Variants in BCAS3 observed in about 807,000 individuals in gnomAD.
BCAS3 encodes the protein BCAS3 microtubule associated cell migration factor.
BCAS3 carries 53 observed loss-of-function variants against 116.1 expected under a neutral mutation model. The observed-to-expected ratio is 0.46, with a 90% CI of 0.37 to 0.57. The LOEUF (loss-of-function observed/expected upper bound fraction) is 0.57, where lower values mean the gene tolerates loss of function less well. Ranked by LOEUF, BCAS3 falls within the 20% of genes least tolerant of loss-of-function variation. The pLI is 0.00. For synonymous variants in BCAS3, 391 were observed against 408.2 expected, an observed-to-expected ratio of 0.96 and a Z score of 0.51; for missense variants, 917 against 1,165.4, an observed-to-expected ratio of 0.79 and a Z score of 3.10.
Position 60,960,377 on chromosome 17 carries a change from AC to A in BCAS3, c.1221+13027del, listed in dbSNP as rs1313561498. On this transcript the variant is annotated intron_variant, in intron 14 of 23. Transcript: ENST00000407086. This position sits in a 1 kb window ranked among gnomAD's most constrained non-coding sequence, Gnocchi z 4.1. ...GGGCAAAATTCCTGTGCTTCTGTGGACCTGTGAAACTACAATAAAAGTTACC... is the reference window on the plus strand; with the variant it reads ...GGGCAAAATTCCTGTGCTTCTGTGGACTGTGAAACTACAATAAAAGTTACC... Among the ~76,000 whole-genome samples, 2 of 152,178 alleles carry A rather than the reference AC, an allele frequency of 1.3e-5. No homozygotes were observed. Among genetic ancestry groups the A allele is most frequent in the Non-Finnish European group, 2.9e-5 (2 of 68,038 alleles).
intron 22 of BCAS3, among the ~76,000 whole-genome samples, chr17:61,197,521 G>A (rs901638280): frequency 2.6e-5 from 4 of 152,156 alleles, no homozygotes; most frequent in African/African-American, 9.7e-5. Flanking sequence ...GTAATGATCT[G>A]CCTGAAACAA....
chr17:61,295,423 G>C (rs986712795), intron 22 of BCAS3, among the ~76,000 whole-genome samples: 1 of 152,212 alleles, frequency 6.6e-6, no homozygotes, highest in Non-Finnish European at 1.5e-5. Context: ...TAAATGCCCA[G>C]CGTAATCCCC....
chr17:60,923,857 T>G (rs541960622), intron 12 of BCAS3, among the ~76,000 whole-genome samples: 2 of 152,296 alleles, frequency 1.3e-5, no homozygotes, highest in South Asian at 4.1e-4. Flanking sequence ...TCAAAGAAGT[T>G]CTATTTCTCT....
In BCAS3 at chr17:61,132,289, A is replaced by G. The variant is rs989479296; in HGVS notation, c.2425+47725A>G. ...GGTAATTTTAAACACAACCAGGTCA[A>G]AAGTTTCAAATCTAGTGTTAAGTCC... On this transcript the variant is annotated intron_variant, in intron 22 of 23. Transcript: ENST00000407086. This position sits in a 1 kb window ranked among gnomAD's most constrained non-coding sequence, Gnocchi z 5.1. Among the ~76,000 whole-genome samples the G allele has an allele frequency of 6.6e-6, 1 of 152,232 alleles. No individual in the cohort carries two copies. Among genetic ancestry groups the G allele is most frequent in the South Asian group, 2.1e-4 (1 of 4,828 alleles).
chr17:60,776,718 C>CAA (rs749033165), intron 6 of BCAS3, among the ~76,000 whole-genome samples: 37 of 46,458 alleles, frequency 8.0e-4, no homozygotes, highest in East Asian at 1.4e-3. Flanking sequence ...GACTCCGTCT[C>CAA]AAAAAAAAAA....
chr17:60,995,599 G>T lies in BCAS3; in HGVS notation c.1486+5364G>T, dbSNP rs2063789985. On this transcript the variant is annotated intron_variant, in intron 15 of 23. Transcript: ENST00000407086. This position sits in a 1 kb window ranked among gnomAD's most constrained non-coding sequence, Gnocchi z 4.7. ...AAGCGTGAACCACCGCGCCCGACCAGTTTCTAAGGCTTTAAACCAGAGTTT... is the reference window on the plus strand; with the variant it reads ...AAGCGTGAACCACCGCGCCCGACCATTTTCTAAGGCTTTAAACCAGAGTTT... 6.6e-6 allele frequency among the ~76,000 whole-genome samples: 1 copy of T among 152,168 alleles called. No individual in the cohort carries two copies. Among genetic ancestry groups the T allele is most frequent in the South Asian group, 2.1e-4 (1 of 4,828 alleles).
At chr17:60,891,173 G>A (rs1567804422) in intron 10 of BCAS3, among the ~76,000 whole-genome samples, 1 of 152,178 alleles carries the variant, frequency 6.6e-6, no homozygotes, top group Admixed American at 6.5e-5. Context: ...GTTTCTATCT[G>A]TAAAGCATTT....
At position 61,075,123 on chromosome 17, in the gene BCAS3, A is replaced by C. The variant is rs2071840749; in HGVS notation, c.2130+103A>C. The C allele has an allele frequency of 5.9e-6, 5 of 852,234 alleles. No individual in the cohort carries two copies. In the East Asian group the frequency reaches 1.3e-4, roughly 22 times the overall value. The allele number at this position is 852,234 out of a possible 1,614,324, so 52.8% of individuals were successfully genotyped here. A position where few individuals can be genotyped will look rare whatever the true frequency, so the allele number is the denominator to read the frequency against. On this transcript the variant is annotated intron_variant, in intron 20 of 23. Transcript: ENST00000407086. Reference sequence around the variant, plus strand: ...AAAAGGGGAGAATTGGTAACTCTTTATTGGATTATCAAGAATTAGTTGTCT... The same window carrying C: ...AAAAGGGGAGAATTGGTAACTCTTTCTTGGATTATCAAGAATTAGTTGTCT...
chr17:61,303,491 G>A (rs1004118437), intron 22 of BCAS3, among the ~76,000 whole-genome samples: 2 of 152,184 alleles, frequency 1.3e-5, no homozygotes, highest in African/African-American at 2.4e-5. Context: ...CAGCTTCCGG[G>A]ATGGTGATTT....
chr17:60,753,524 C>T (rs1262584954), intron 6 of BCAS3, among the ~76,000 whole-genome samples: 1 of 151,866 alleles, frequency 6.6e-6, no homozygotes, highest in Non-Finnish European at 1.5e-5. Flanking sequence ...ATTCTCCTGC[C>T]TCAACCTCCC....
chr17:61,174,343 C>T lies in BCAS3; in HGVS notation c.2425+89779C>T, dbSNP rs1281239530. ...TCCTCACCCCAGCTGCTGATAACCA[C>T]CGTTCTACTATTCTCTGCTTCTGTG... On this transcript the variant is annotated intron_variant, in intron 22 of 23. Transcript: ENST00000407086. Among the ~76,000 whole-genome samples the T allele has an allele frequency of 1.3e-5, 2 of 152,158 alleles. 1 individual carries two copies. Among genetic ancestry groups the T allele is most frequent in the South Asian group, 4.1e-4 (2 of 4,824 alleles).
intron 8 of BCAS3, among the ~76,000 whole-genome samples, chr17:60,873,515 A>G (rs1477798620): frequency 3.3e-5 from 5 of 152,184 alleles, no homozygotes; most frequent in African/African-American, 7.2e-5. Context: ...GTAAATATTA[A>G]GCTTGGCTAT....
At chr17:61,069,116 A>G (rs2071041137) in intron 19 of BCAS3, among the ~76,000 whole-genome samples, 1 of 152,192 alleles carries the variant, frequency 6.6e-6, no homozygotes, top group Non-Finnish European at 1.5e-5. Flanking sequence ...AAACCAAAGA[A>G]GTGACTTGGG....
Position 61,156,988 on chromosome 17 carries a change from C to T in BCAS3, c.2425+72424C>T, listed in dbSNP as rs1750895124. Among the ~76,000 whole-genome samples, 1 of 152,182 alleles carries T rather than the reference C, an allele frequency of 6.6e-6. No individual in the cohort carries two copies. Among genetic ancestry groups the T allele is most frequent in the South Asian group, 2.1e-4 (1 of 4,824 alleles). The stretch of plus-strand genomic sequence containing the variant: ...CTCCTATAAATTTAGTATTAAATTT[C>T]AAAATACGTATTTGTTTTAAAAAGC... On this transcript the variant is annotated intron_variant, in intron 22 of 23. Transcript: ENST00000407086. The surrounding 1 kb of genome is among the most constrained non-coding windows in gnomAD (Gnocchi z 4.7).
At chr17:61,170,293 T>A (rs571540521) in intron 22 of BCAS3, among the ~76,000 whole-genome samples, 1 of 150,636 alleles carries the variant, frequency 6.6e-6, no homozygotes, top group Non-Finnish European at 1.5e-5. Flanking sequence ...TTTTTGTTTT[T>A]GTTTTTTGGT....
At chr17:61,067,076 C>T (rs1331565875) in intron 19 of BCAS3, among the ~76,000 whole-genome samples, 1 of 150,998 alleles carries the variant, frequency 6.6e-6, no homozygotes, top group Non-Finnish European at 1.5e-5. Context: ...ATTCTTTACA[C>T]ATTGATTCTT....
chr17:61,244,896 G>A lies in BCAS3; in HGVS notation c.2426-123431G>A, dbSNP rs1479881599. 1.3e-5 allele frequency among the ~76,000 whole-genome samples: 2 copies of A among 152,064 alleles called. No individual in the cohort carries two copies. The highest frequency in any genetic ancestry group is 2.9e-5 in the Non-Finnish European group (2 of 67,996). ...TAAATAAATAAAAAAGGATATATAGGGAAGGAGCAATTTTTTAAAGATTTA... is the reference window on the plus strand; with the variant it reads ...TAAATAAATAAAAAAGGATATATAGAGAAGGAGCAATTTTTTAAAGATTTA... On this transcript the variant is annotated intron_variant, in intron 22 of 23. Coordinates refer to ENST00000407086, the MANE Select transcript of BCAS3 (RefSeq NM_017679.5). This position sits in a 1 kb window ranked among gnomAD's most constrained non-coding sequence, Gnocchi z 4.9.
At chr17:60,980,206 C>T (rs904002040) in intron 14 of BCAS3, among the ~76,000 whole-genome samples, 1 of 152,174 alleles carries the variant, frequency 6.6e-6, no homozygotes, top group Non-Finnish European at 1.5e-5. Flanking sequence ...GATTAAACTT[C>T]TGGGCGGAAG....
At chr17:60,996,735 A>C (rs1175425572) in intron 15 of BCAS3, among the ~76,000 whole-genome samples, 1 of 152,138 alleles carries the variant, frequency 6.6e-6, no homozygotes, top group East Asian at 1.9e-4. Flanking sequence ...CTTGTAGGTA[A>C]GTGAGTATAA....
Sources: gnomAD v4.1 joint callset for allele counts (sites outside exome capture counted in the v4.1 genomes callset) on GRCh38, gnomAD v4.1.1 for gene constraint, Gnocchi (gnomAD v3.1) non-coding constraint, MANE v1.5 for transcripts, NCBI Gene and HGNC (gene_info 2026-07-23, HGNC 2026-07-21) for gene names.